The following MDFIC2 variants were observed in gnomAD, a reference collection of about 807,000 sequenced individuals.
MDFIC2 encodes the protein MyoD family inhibitor domain containing 2, also known as myoD family inhibitor domain-containing protein 2.
chr3:70,262,104 C>T (rs533051340), intron 2 of MDFIC2, among the ~76,000 whole-genome samples: 8 of 152,172 alleles, frequency 5.3e-5, no homozygotes, highest in Admixed American at 3.3e-4. Context: ...AAAGCTGGTG[C>T]GACAGTATTG....
intron 2 of MDFIC2, among the ~76,000 whole-genome samples, chr3:70,268,787 A>T (rs1701947682): frequency 6.6e-6 from 1 of 152,186 alleles, no homozygotes; most frequent in South Asian, 2.1e-4. Context: ...GATTATTTGC[A>T]TCATAAATAT....
At chr3:70,267,584 T>TTG (rs1468961193) in intron 2 of MDFIC2, among the ~76,000 whole-genome samples, 1 of 146,432 alleles carries the variant, frequency 6.8e-6, no homozygotes, top group Non-Finnish European at 1.5e-5. Flanking sequence ...TTGTATTTTT[T>TTG]TTTTTTTTTT....
intron 2 of MDFIC2, among the ~76,000 whole-genome samples, chr3:70,251,717 T>G (rs1053300030): frequency 6.6e-6 from 1 of 152,160 alleles, no homozygotes; most frequent in African/African-American, 2.4e-5. Context: ...TGCCCCAACC[T>G]AATACCATAC....
intron 2 of MDFIC2, among the ~76,000 whole-genome samples, chr3:70,215,826 G>A (rs1203074882): frequency 6.6e-6 from 1 of 152,066 alleles, no homozygotes; most frequent in Non-Finnish European, 1.5e-5. Context: ...GGCGTGTCTT[G>A]GTTTTCAGTT....
At chr3:70,248,037 G>T (rs755190790) in intron 2 of MDFIC2, among the ~76,000 whole-genome samples, 2 of 151,956 alleles carry the variant, frequency 1.3e-5, no homozygotes, top group Non-Finnish European at 1.5e-5. Flanking sequence ...GTATTTGAAG[G>T]GTAGGAAGGA....
chr3:70,290,920 G>A (rs1252899074), intron 2 of MDFIC2, among the ~76,000 whole-genome samples: 1 of 152,112 alleles, frequency 6.6e-6, no homozygotes, highest in East Asian at 1.9e-4. Context: ...GCTTCGGATG[G>A]CGCACGGTGC....
intron 2 of MDFIC2, among the ~76,000 whole-genome samples, chr3:70,285,393 G>T (rs1405489110): frequency 6.6e-6 from 1 of 151,822 alleles, no homozygotes; most frequent in South Asian, 2.1e-4. Flanking sequence ...GAACTCATCA[G>T]TTTTTATGGC....
chr3:70,256,723 G>A (rs149603932), intron 2 of MDFIC2, among the ~76,000 whole-genome samples: 1 of 152,268 alleles, frequency 6.6e-6, no homozygotes, highest in African/African-American at 2.4e-5. Context: ...GGCATTACTG[G>A]CCTTCTAGGT....
At chr3:70,250,248 G>A (rs1219493502) in intron 2 of MDFIC2, among the ~76,000 whole-genome samples, 1 of 152,098 alleles carries the variant, frequency 6.6e-6, no homozygotes, top group East Asian at 1.9e-4. Flanking sequence ...TGCTGCTGAA[G>A]CACCAAATCT....
chr3:70,267,912 T>C (rs766630232), intron 2 of MDFIC2, among the ~76,000 whole-genome samples: 1 of 151,774 alleles, frequency 6.6e-6, no homozygotes. Context: ...AAGGTCCCAG[T>C]TTCCTTTCCT....
At chr3:70,251,739 CT>C (rs1701770946) in intron 2 of MDFIC2, among the ~76,000 whole-genome samples, 1 of 152,186 alleles carries the variant, frequency 6.6e-6, no homozygotes, top group South Asian at 2.1e-4. Context: ...TAAGTAGTTG[CT>C]CGTCTAAGGA....
chr3:70,277,809 T>C (rs147431084), intron 2 of MDFIC2, among the ~76,000 whole-genome samples: 8 of 152,140 alleles, frequency 5.3e-5, no homozygotes, highest in African/African-American at 1.9e-4. Flanking sequence ...TTTATACAAA[T>C]GGTTGTTGAG....
At chr3:70,247,792 A>G (rs552496078) in intron 2 of MDFIC2, among the ~76,000 whole-genome samples, 3 of 152,132 alleles carry the variant, frequency 2.0e-5, no homozygotes, top group African/African-American at 7.2e-5. Context: ...AGGAAGATTC[A>G]AGGTTTCAAA....
chr3:70,284,778 G>C (rs953429289), intron 2 of MDFIC2, among the ~76,000 whole-genome samples: 1 of 151,946 alleles, frequency 6.6e-6, no homozygotes, highest in Non-Finnish European at 1.5e-5. Flanking sequence ...AGAGGATCAG[G>C]GAAAATAACT....
intron 2 of MDFIC2, among the ~76,000 whole-genome samples, chr3:70,223,719 A>C (rs529450398): frequency 1.3e-3 from 202 of 152,322 alleles, no homozygotes; most frequent in Admixed American, 2.4e-3. Flanking sequence ...AGCATCCTAG[A>C]ACAGGACCAG....
At chr3:70,200,116 G>A (rs1355340232) in intron 3 of MDFIC2, among the ~76,000 whole-genome samples, 2 of 151,970 alleles carry the variant, frequency 1.3e-5, no homozygotes, top group Non-Finnish European at 2.9e-5. Flanking sequence ...CCTCAAATTC[G>A]TATTCGAAAT....
chr3:70,297,682 T>G (rs1259073146), intron 2 of MDFIC2, among the ~76,000 whole-genome samples: 1 of 152,120 alleles, frequency 6.6e-6, no homozygotes, highest in African/African-American at 2.4e-5. Context: ...AGTTAAAATA[T>G]TTTCTTCCTT....
At chr3:70,287,402 T>G (rs2106688541) in intron 2 of MDFIC2, among the ~76,000 whole-genome samples, 1 of 151,662 alleles carries the variant, frequency 6.6e-6, no homozygotes, top group Non-Finnish European at 1.5e-5. Context: ...ATCCCAGGGA[T>G]GAAGCCCACT....
chr3:70,246,470 A>G (rs1023694949), intron 2 of MDFIC2, among the ~76,000 whole-genome samples: 8 of 152,090 alleles, frequency 5.3e-5, no homozygotes, highest in South Asian at 2.1e-4. Flanking sequence ...GGGGAGTTTG[A>G]TCATTGGATG....
Sources: gnomAD v4.1 joint callset for allele counts (sites outside exome capture counted in the v4.1 genomes callset) on GRCh38, gnomAD v4.1.1 for gene constraint, MANE v1.5 for transcripts, NCBI Gene and HGNC (gene_info 2026-07-23, HGNC 2026-07-21) for gene names.